Variants in CHRNA7 observed in about 807,000 individuals in gnomAD.
CHRNA7 encodes cholinergic receptor nicotinic alpha 7 subunit, also known as neuronal acetylcholine receptor subunit alpha-7.
In CHRNA7, 17 loss-of-function variants were observed where a neutral mutation model predicts 48.0. That is an observed-to-expected ratio of 0.35 (90% CI 0.24 to 0.53). The LOEUF (loss-of-function observed/expected upper bound fraction) is 0.53, where lower values mean the gene tolerates loss of function less well. Ranked by LOEUF, CHRNA7 falls within the 20% of genes least tolerant of loss-of-function variation. The pLI is 0.92. For missense variants in CHRNA7, 155 were observed against 577.7 expected, an observed-to-expected ratio of 0.27 and a Z score of 7.50; for synonymous variants, 75 against 242.3, an observed-to-expected ratio of 0.31 and a Z score of 6.41.
rs1482106516 is a variant in CHRNA7 at position 32,170,431 on chromosome 15, T to G, written c.*1973T>G. ...AACCATGCACAAGATTTTCGGTTTT[T>G]TTTTTTTTTTCTGTTACAGTGTCTT... On this transcript the variant is annotated 3_prime_UTR_variant, in exon 10 of 10. Transcript: ENST00000306901. 6 of 150,978 alleles carry G rather than the reference T, an allele frequency of 4.0e-5. No individual in the cohort carries two copies. The highest frequency in any genetic ancestry group is 9.8e-5 in the African/African-American group (4 of 40,896). 9.4% of individuals were successfully genotyped at this position (150,978 alleles called of 1,614,324 possible).
At chr15:32,038,582 T>C (rs8041098) in intron 2 of CHRNA7, among the ~76,000 whole-genome samples, 40,151 of 152,056 alleles carry the variant, frequency 0.26, 6,462 homozygotes, top group East Asian at 0.61. Context: ...TTGCTCAGGC[T>C]GGTCTTGGAC....
chr15:32,039,490 T>C (rs1011360369), intron 2 of CHRNA7, among the ~76,000 whole-genome samples: 4 of 152,180 alleles, frequency 2.6e-5, no homozygotes, highest in Admixed American at 6.5e-5. Context: ...AATATTTCAA[T>C]GTCTCTTGAG....
At chr15:32,119,939 G>C (rs1001755501) in intron 4 of CHRNA7, among the ~76,000 whole-genome samples, 1 of 152,170 alleles carries the variant, frequency 6.6e-6, no homozygotes, top group African/African-American at 2.4e-5. Context: ...AATGCTGTCT[G>C]CCTCATCCGG....
intron 2 of CHRNA7, among the ~76,000 whole-genome samples, chr15:32,087,084 A>T (rs1309080346): frequency 6.6e-6 from 1 of 152,194 alleles, no homozygotes; most frequent in Non-Finnish European, 1.5e-5. Context: ...ACCTCCATGA[A>T]GGCAAAGTGT....
intron 2 of CHRNA7, among the ~76,000 whole-genome samples, chr15:32,031,912 G>T (rs1901861654): frequency 6.6e-6 from 1 of 152,202 alleles, no homozygotes; most frequent in Non-Finnish European, 1.5e-5. Context: ...GCAGGGTGGG[G>T]CACAGGGATA....
chr15:32,133,841 G>A (rs1212598783), intron 4 of CHRNA7, among the ~76,000 whole-genome samples: 2 of 152,206 alleles, frequency 1.3e-5, no homozygotes, highest in African/African-American at 4.8e-5. Flanking sequence ...GGCACCTGGA[G>A]AGAAGTCCCC....
At chr15:32,166,451 A>G (rs1179313076) in intron 9 of CHRNA7, 2 of 152,324 alleles carry the variant, frequency 1.3e-5, no homozygotes, top group Non-Finnish European at 2.9e-5. Flanking sequence ...GGTTATTTTT[A>G]TAGCTGCAAT....
chr15:32,159,045 T>C (rs1365759885), intron 7 of CHRNA7: 1 of 225,856 alleles, frequency 4.4e-6, no homozygotes, highest in African/African-American at 2.3e-5. Context: ...AGATTTTGAA[T>C]GGTGGAATGA....
At position 32,120,777 on chromosome 15, in the gene CHRNA7, C is replaced by T. The variant is rs186865388; in HGVS notation, c.350+8878C>T. Among the ~76,000 whole-genome samples, 52 of 152,236 alleles carry T rather than the reference C, an allele frequency of 3.4e-4. 1 individual carries two copies. Among genetic ancestry groups the T allele is most frequent in the Admixed American group, 2.7e-3 (41 of 15,304 alleles). ...CACCCCCAAGGGCCCTGAAGCTAAT[C>T]GTGCCCAAGAGCACGGCTTTTGGAG... On this transcript the variant is annotated intron_variant, in intron 4 of 9. Transcript: ENST00000306901.
At chr15:32,055,935 T>C (rs936737524) in intron 2 of CHRNA7, among the ~76,000 whole-genome samples, 1 of 151,686 alleles carries the variant, frequency 6.6e-6, no homozygotes, top group Non-Finnish European at 1.5e-5. Context: ...GCTGAGATCA[T>C]GCCGCTGCAC....
rs142444552 is a variant in CHRNA7, at chr15:32,049,511, C to G, written c.195+18474C>G. On this transcript the variant is annotated intron_variant, in intron 2 of 9. Coordinates refer to ENST00000306901, the MANE Select transcript of CHRNA7 (RefSeq NM_000746.6). ...TTCCATTTGCTTGGTAGATCTTCCT[C>G]CATCCTTTAATTTTGAGGCTATGTG... Among the ~76,000 whole-genome samples the G allele has an allele frequency of 3.9e-4, 60 of 152,296 alleles. 1 individual carries two copies. Among genetic ancestry groups the G allele is most frequent in the African/African-American group, 1.3e-3 (54 of 41,546 alleles).
chr15:32,120,673 G>A (rs2050953133), intron 4 of CHRNA7, among the ~76,000 whole-genome samples: 2 of 151,952 alleles, frequency 1.3e-5, no homozygotes. Flanking sequence ...GGATGGTGTT[G>A]CATTGAGGTG....
rs917458802 is a variant in CHRNA7, at chr15:32,113,734, T to C, written c.350+1835T>C. ...CTGCTTTTAGAACAAGATGGTAATT[T>C]AACAATTTAGAAAAAAATAATCAAT... is the stretch of plus-strand genomic sequence containing the variant. On this transcript the variant is annotated intron_variant, in intron 4 of 9. Transcript: ENST00000306901. Among the ~76,000 whole-genome samples, 8 of 152,218 alleles carry C rather than the reference T, an allele frequency of 5.3e-5. No homozygotes were observed. The East Asian group carries it at 5.8e-4, about 11-fold the overall frequency.
intron 4 of CHRNA7, among the ~76,000 whole-genome samples, chr15:32,122,552 G>A (rs984679150): frequency 2.0e-5 from 3 of 151,742 alleles, no homozygotes; most frequent in African/African-American, 7.3e-5. Context: ...TTATGGCTTT[G>A]GGGTCCCAGA....
At chr15:32,069,879 T>G (rs1014669225) in intron 2 of CHRNA7, among the ~76,000 whole-genome samples, 2 of 152,090 alleles carry the variant, frequency 1.3e-5, no homozygotes, top group Admixed American at 1.3e-4. Context: ...ATTTTGAAAA[T>G]CAGCGAAACA....
chr15:32,085,207 A>G (rs2050276285), intron 2 of CHRNA7, among the ~76,000 whole-genome samples: 1 of 152,128 alleles, frequency 6.6e-6, no homozygotes, highest in Non-Finnish European at 1.5e-5. Flanking sequence ...TAAGCTTAGG[A>G]GCATCTGCAA....
At chr15:32,166,189 GC>G (rs1204109141) in intron 9 of CHRNA7, 1 of 152,188 alleles carries the variant, frequency 6.6e-6, no homozygotes, top group African/African-American at 2.4e-5. Context: ...CAGTTTATTA[GC>G]CTCTTTGAAC....
intron 2 of CHRNA7, among the ~76,000 whole-genome samples, chr15:32,095,230 G>A (rs2141251182): frequency 6.6e-6 from 1 of 152,286 alleles, no homozygotes; most frequent in Middle Eastern, 3.4e-3. Context: ...CAGGCCCTGT[G>A]GTACGAGGAC....
At chr15:32,032,835 G>A (rs1174098736) in intron 2 of CHRNA7, among the ~76,000 whole-genome samples, 2 of 152,192 alleles carry the variant, frequency 1.3e-5, no homozygotes, top group African/African-American at 4.8e-5. Context: ...TTGGAGAAGA[G>A]ACCACTCGCG....
Sources: gnomAD v4.1 joint callset for allele counts (sites outside exome capture counted in the v4.1 genomes callset) on GRCh38, gnomAD v4.1.1 for gene constraint, MANE v1.5 for transcripts, NCBI Gene and HGNC (gene_info 2026-07-23, HGNC 2026-07-21) for gene names.